The following EIF2AK1 variants were observed in gnomAD, a reference collection of about 807,000 sequenced individuals.
EIF2AK1 encodes eukaryotic translation initiation factor 2 alpha kinase 1.
Under a neutral mutation model 77.9 loss-of-function variants are expected in EIF2AK1, and 54 were observed. The ratio of observed to expected loss-of-function variants is 0.69; its 90% CI spans 0.56 to 0.87. EIF2AK1 has a LOEUF of 0.87. EIF2AK1 is among the 40% of genes least tolerant of loss of function. EIF2AK1 has a pLI of 0.00. For missense variants in EIF2AK1, 810 were observed against 768.6 expected (o/e 1.05, Z -0.64); for synonymous variants, 314 against 290.5 (o/e 1.08, Z -0.82).
intron 11 of EIF2AK1, among the ~76,000 whole-genome samples, chr7:6,029,533 C>T (rs1787841425): frequency 6.6e-6 from 1 of 151,884 alleles, no homozygotes; most frequent in Non-Finnish European, 1.5e-5. Flanking sequence ...TTCCCCAGGC[C>T]AGCTGCATCA....
rs1022232165 is a variant in EIF2AK1, at chr7:6,024,234, G to A, written c.*439C>T. The stretch of plus-strand genomic sequence containing the variant: ...GAGCCAAGGAATGAAATGATGAGGC[G>A]TCCTTCAGGTAATGAACTTCAGCTG... On this transcript the variant is annotated 3_prime_UTR_variant, in exon 15 of 15. Coordinates refer to ENST00000199389, the MANE Select transcript of EIF2AK1 (RefSeq NM_014413.4). 2.7e-5 allele frequency: 33 copies of A among 1,218,814 alleles called. No individual in the cohort carries two copies. Among genetic ancestry groups the A allele is most frequent in the South Asian group, 2.4e-4 (16 of 67,908 alleles). 75.5% of individuals were successfully genotyped at this position (1,218,814 alleles called of 1,614,324 possible).
intron 7 of EIF2AK1, 132 bp from the exon 8 acceptor site, chr7:6,043,125 A>C: frequency 1.1e-6 from 1 of 882,218 alleles, no homozygotes; most frequent in Non-Finnish European, 1.8e-6. Context: ...TTCTGGCAAA[A>C]TACAAAAAGT....
Position 6,054,678 on chromosome 7 carries a change from C to T in EIF2AK1, c.145G>A (p.Val49Met), listed in dbSNP as rs890113312. ...GGCTGTTGTAGGGGTTCTTTTAACA[C>T]CTGGATTTCTGCTGGAACATCAGAT... is the stretch of plus-strand genomic sequence containing the variant. ...DESDVPAEIQ[V>M]LKEPLQQPTF... Residue 49 changes from valine to methionine, a missense_variant, in exon 2 of 15, where the codon GTG (valine) becomes ATG (methionine). Coordinates refer to ENST00000199389, the MANE Select transcript of EIF2AK1 (RefSeq NM_014413.4). 2.5e-6 allele frequency: 4 copies of T among 1,613,898 alleles called. No homozygotes were observed. Among genetic ancestry groups the T allele is most frequent in the Middle Eastern group, 1.7e-4 (1 of 6,060 alleles).
At chr7:6,057,612 A>G (rs1209204534) in intron 1 of EIF2AK1, 57 of 147,462 alleles carry the variant, frequency 3.9e-4, no homozygotes, top group African/African-American at 6.6e-4. Flanking sequence ...AAAAAAAAAA[A>G]GAAAAAAAAA....
chr7:6,050,602 C>CT lies in EIF2AK1; in HGVS notation c.278-558dup, dbSNP rs576925022. Among the ~76,000 whole-genome samples the CT allele has an allele frequency of 4.4e-3, 585 of 132,972 alleles. 2 individuals are homozygous for CT. The highest frequency in any genetic ancestry group is 0.011 in the African/African-American group (394 of 37,052). 87.2% of individuals were successfully genotyped at this position (132,972 alleles called of 152,430 possible). A position where few individuals can be genotyped will look rare whatever the true frequency, so the allele number is the denominator to read the frequency against. The stretch of plus-strand genomic sequence containing the variant: ...GAAAAGCACAACTATAATTACTTCT[C>CT]TTTTTTTTTTTTTTTTTTGAGATGG... On this transcript the variant is annotated intron_variant, in intron 2 of 14. Transcript: ENST00000199389.
At chr7:6,053,424 C>T (rs534555785) in intron 2 of EIF2AK1, among the ~76,000 whole-genome samples, 5 of 151,938 alleles carry the variant, frequency 3.3e-5, no homozygotes, top group African/African-American at 1.2e-4. Flanking sequence ...TGCAATGGCG[C>T]GATCTCAGCT....
chr7:6,038,746 A>C, intron 9 of EIF2AK1, 75 bp from the exon 10 acceptor site: 1 of 1,242,194 alleles, frequency 8.1e-7, no homozygotes, highest in Non-Finnish European at 1.1e-6. Flanking sequence ...ACAAATATTA[A>C]TCTGCCTATT....
Position 6,035,550 on chromosome 7 carries a change from A to G in EIF2AK1, c.1332+1874T>C, listed in dbSNP as rs979912038. 24 of 1,551,106 alleles carry G rather than the reference A, an allele frequency of 1.5e-5. No individual in the cohort carries two copies. Among genetic ancestry groups the G allele is most frequent in the Non-Finnish European group, 2.0e-5 (23 of 1,147,136 alleles). ...CAGAACGCACAGGATCCTGACAGAC[A>G]TTCAGAATAGCAGCATCACATGTCT... On this transcript the variant is annotated intron_variant, in intron 11 of 14. Transcript: ENST00000199389. This position sits in a 1 kb window ranked among gnomAD's most constrained non-coding sequence, Gnocchi z 5.5.
At chr7:6,034,285 C>T (rs577758990) in intron 11 of EIF2AK1, among the ~76,000 whole-genome samples, 19 of 152,034 alleles carry the variant, frequency 1.2e-4, no homozygotes, top group Admixed American at 6.6e-4. Context: ...CCAGCCTGGG[C>T]GACAGAGCAA....
Position 6,046,111 on chromosome 7 carries a change from T to G in EIF2AK1, c.590A>C (p.Lys197Thr). Residue 197 changes from lysine (K) to threonine (T), a missense_variant, in exon 6 of 15, where the codon AAA (lysine) becomes ACA (threonine). Transcript: ENST00000199389. ...KLDGQYYAIK[K>T]ILIKGATKTV... is the part of the protein sequence containing the mutation. Reference sequence around the variant, plus strand: ...TTTAGTTGCACCCTTAATCAGGATTTTTTTTATTGCATAATACTGACCATC... The same window carrying G: ...TTTAGTTGCACCCTTAATCAGGATTGTTTTTATTGCATAATACTGACCATC... 2 of 1,574,640 alleles carry G rather than the reference T, an allele frequency of 1.3e-6. No individual in the cohort carries two copies. Among genetic ancestry groups the G allele is most frequent in the Non-Finnish European group, 1.7e-6 (2 of 1,163,046 alleles).
chr7:6,036,164 T>C lies in EIF2AK1; in HGVS notation c.1332+1260A>G, dbSNP rs1788083346. On this transcript the variant is annotated intron_variant, in intron 11 of 14. Transcript: ENST00000199389. The surrounding 1 kb of genome is among the most constrained non-coding windows in gnomAD (Gnocchi z 4.6). Reference sequence around the variant, plus strand: ...ACACTTATCCTCTGAGAATGACCAATAACCAAGGAATTCTACCTGCAGGAA... The same window carrying C: ...ACACTTATCCTCTGAGAATGACCAACAACCAAGGAATTCTACCTGCAGGAA... 6 of 1,550,038 alleles carry C rather than the reference T, an allele frequency of 3.9e-6. No homozygotes were observed. In the East Asian group the frequency reaches 1.5e-4, roughly 38 times the overall value.
chr7:6,049,758 G>C (rs762529481), intron 3 of EIF2AK1, 154 bp downstream of exon 3: 1 of 671,830 alleles, frequency 1.5e-6, no homozygotes, highest in Non-Finnish European at 2.4e-6. Context: ...AAAGTGCTGG[G>C]ATTAAGGCAT....
Position 6,024,109 on chromosome 7 carries a change from G to A in EIF2AK1, c.*564C>T, listed in dbSNP as rs1160352426. 10 of 1,297,222 alleles carry A rather than the reference G, an allele frequency of 7.7e-6. No homozygotes were observed. The East Asian group carries it at 3.3e-4, about 43-fold the overall frequency. 80.4% of individuals were successfully genotyped at this position (1,297,222 alleles called of 1,614,324 possible). On this transcript the variant is annotated 3_prime_UTR_variant, in exon 15 of 15. Transcript: ENST00000199389. The stretch of plus-strand genomic sequence containing the variant: ...TGCAAGGGTGTGGTTTTGGAATGAC[G>A]CTAAACTGAAGGTGGAGAGAACAGA...
chr7:6,045,084 T>C (rs1788407817), intron 6 of EIF2AK1, among the ~76,000 whole-genome samples: 1 of 152,084 alleles, frequency 6.6e-6, no homozygotes, highest in Non-Finnish European at 1.5e-5. Context: ...GTACAAGGCA[T>C]CTACACTATG....
At chr7:6,046,705 C>A in intron 5 of EIF2AK1, 1 of 229,688 alleles carries the variant, frequency 4.4e-6, no homozygotes, top group Non-Finnish European at 8.5e-6. Context: ...AGATCAAGAC[C>A]ATCCTGGCCA....
Position 6,023,064 on chromosome 7 carries a change from AGTGTC to A in EIF2AK1, c.*1604_*1608del. On this transcript the variant is annotated 3_prime_UTR_variant, in exon 15 of 15. Coordinates refer to ENST00000199389, the MANE Select transcript of EIF2AK1 (RefSeq NM_014413.4). ...GTCTGAGGTCCCTTCTAGCTTCAGA[AGTGTC>A]ATAATCAAATACCAGGAATGACTCT... is the stretch of plus-strand genomic sequence containing the variant. 1.2e-5 allele frequency: 6 copies of A among 485,230 alleles called. No homozygotes were observed. Among genetic ancestry groups the A allele is most frequent in the East Asian group, 3.6e-5 (1 of 27,734 alleles). 30.1% of individuals were successfully genotyped at this position (485,230 alleles called of 1,614,324 possible). A position where few individuals can be genotyped will look rare whatever the true frequency, so the allele number is the denominator to read the frequency against.
At chr7:6,058,476 A>G (rs1245071772) in intron 1 of EIF2AK1, among the ~76,000 whole-genome samples, 1 of 152,192 alleles carries the variant, frequency 6.6e-6, no homozygotes, top group Non-Finnish European at 1.5e-5. Context: ...ACGCTGCCTC[A>G]CTATAAGAAA....
Position 6,029,030 on chromosome 7 carries a change from T to A in EIF2AK1, c.1335A>T (p.Pro445=). Residue 445 remains proline, a splice_region_variant and synonymous_variant, in exon 12 of 15, where the codon CCA becomes CCT. Transcript: ENST00000199389. ...NMGIVHRDLK[P]RNIFLHGPDQ... ...CAGGGCCATGAAGAAAAATATTTCT[T>A]GGCTATCAACAAACAAAACAAGTCA... 6.2e-7 allele frequency: 1 copy of A among 1,608,608 alleles called. No individual in the cohort carries two copies. Among genetic ancestry groups the A allele is most frequent in the Non-Finnish European group, 8.5e-7 (1 of 1,177,886 alleles).
rs766050949 is a variant in EIF2AK1, at chr7:6,043,006, A to C, written c.731-13T>G. On this transcript the variant is annotated splice_polypyrimidine_tract_variant and intron_variant, in intron 7 of 14. Coordinates refer to ENST00000199389, the MANE Select transcript of EIF2AK1 (RefSeq NM_014413.4). ...GCAGCTCTGTCTGCTGAATGAAAAC[A>C]AACAACAATCATCTTCAAACAGCCC... 2.5e-6 allele frequency: 4 copies of C among 1,613,726 alleles called. No individual in the cohort carries two copies. The highest frequency in any genetic ancestry group is 2.5e-6 in the Non-Finnish European group (3 of 1,179,832).
Sources: gnomAD v4.1 joint callset for allele counts (sites outside exome capture counted in the v4.1 genomes callset) on GRCh38, gnomAD v4.1.1 for gene constraint, Gnocchi (gnomAD v3.1) non-coding constraint, MANE v1.5 for transcripts, NCBI Gene and HGNC (gene_info 2026-07-23, HGNC 2026-07-21) for gene names.